Variants in HTR2B observed in about 807,000 individuals in gnomAD.
HTR2B encodes the protein 5-HT 2B receptor.
HTR2B carries 31 observed loss-of-function variants against 39.8 expected under a neutral mutation model. That is an observed-to-expected ratio of 0.78 (90% CI 0.58 to 1.05). HTR2B has a LOEUF of 1.05. HTR2B is among the 50% of genes least tolerant of loss of function. The pLI is 0.00. For synonymous variants in HTR2B, 210 were observed against 207.1 expected (o/e 1.01, Z -0.12); for missense variants, 562 against 578.0 (o/e 0.97, Z 0.28).
chr2:231,121,582 A>AT (rs1290145018), intron 2 of HTR2B, among the ~76,000 whole-genome samples: 2 of 152,012 alleles, frequency 1.3e-5, no homozygotes, highest in African/African-American at 4.8e-5. Flanking sequence ...CTGGATACCT[A>AT]TTTTTCTATA....
chr2:231,122,315 C>G (rs1198964382), intron 2 of HTR2B, among the ~76,000 whole-genome samples: 1 of 152,034 alleles, frequency 6.6e-6, no homozygotes, highest in Non-Finnish European at 1.5e-5. Context: ...TCTGTTATTA[C>G]TTATAAAATT....
In HTR2B at chr2:231,123,474, C is replaced by G. The variant is rs750428024; in HGVS notation, c.291G>C (p.Ala97=). 1 of 1,614,054 alleles carries G rather than the reference C, an allele frequency of 6.2e-7. No individual in the cohort carries two copies. ...YATNYFLMSL[A]VADLLVGLFV... ...ACAATCCAACCAGCAAATCAGCCAC[C>G]GCCAAGGACATTAGAAAGTAATTAG... is the stretch of plus-strand genomic sequence containing the variant. Residue 97 remains alanine (A), a synonymous_variant, in exon 2 of 4, where the codon GCG becomes GCC. Coordinates refer to ENST00000258400, the MANE Select transcript of HTR2B (RefSeq NM_000867.5).
In HTR2B at chr2:231,121,375, A is replaced by G. The variant is rs561496039; in HGVS notation, c.352+2038T>C. The stretch of plus-strand genomic sequence containing the variant: ...AGACTCCATCTCTATTAAAATAAAT[A>G]AATAAAAATAAATTTAAAGTTAATA... On this transcript the variant is annotated intron_variant, in intron 2 of 3. Transcript: ENST00000258400. 3.3e-5 allele frequency among the ~76,000 whole-genome samples: 5 copies of G among 152,310 alleles called. No homozygotes were observed. The South Asian group carries it at 1.0e-3, about 32-fold the overall frequency.
At chr2:231,119,911 C>A (rs1695476368) in intron 2 of HTR2B, among the ~76,000 whole-genome samples, 3 of 146,636 alleles carry the variant, frequency 2.0e-5, no homozygotes, top group Admixed American at 6.8e-5. Flanking sequence ...AAACCAATAA[C>A]ACCCAATGGA....
At chr2:231,114,435 T>G (rs1326683125) in intron 2 of HTR2B, among the ~76,000 whole-genome samples, 2 of 152,250 alleles carry the variant, frequency 1.3e-5, no homozygotes, top group East Asian at 3.8e-4. Flanking sequence ...GATCCTTGTT[T>G]ATAGCATACT....
In HTR2B at chr2:231,108,813, T is replaced by A. The variant is rs1695052188; in HGVS notation, c.1150A>T (p.Asn384Tyr). Reference protein sequence around the residue: ...GVNPLVYTLFNKTFRDAFGRY... With the variant: ...GVNPLVYTLFYKTFRDAFGRY... Reference sequence around the variant, plus strand: ...CCAAATGCATCCCGAAATGTCTTATTGAAGAGGGTGTAGACCAAAGGATTC... The same window carrying A: ...CCAAATGCATCCCGAAATGTCTTATAGAAGAGGGTGTAGACCAAAGGATTC... Residue 384 changes from asparagine to tyrosine, a missense_variant, in exon 4 of 4, where the codon AAT (asparagine) becomes TAT (tyrosine). Transcript: ENST00000258400. 2 of 1,614,044 alleles carry A rather than the reference T, an allele frequency of 1.2e-6. No homozygotes were observed. Among genetic ancestry groups the A allele is most frequent in the South Asian group, 2.2e-5 (2 of 91,082 alleles).
chr2:231,115,102 A>T (rs1354284071), intron 2 of HTR2B, among the ~76,000 whole-genome samples: 1 of 152,164 alleles, frequency 6.6e-6, no homozygotes, highest in Non-Finnish European at 1.5e-5. Flanking sequence ...TAATCATCTC[A>T]GGATTACAGA....
At chr2:231,113,991 G>C in intron 2 of HTR2B, 62 bp from the exon 3 acceptor site, 1 of 1,301,454 alleles carries the variant, frequency 7.7e-7, no homozygotes, top group Non-Finnish European at 1.1e-6. Context: ...TCAGTCTACA[G>C]TTTTTCAGGT....
At position 231,123,864 on chromosome 2, in the gene HTR2B, A is replaced by G. The variant is rs1362535736; in HGVS notation, c.-100T>C. On this transcript the variant is annotated 5_prime_UTR_variant, in exon 2 of 4. Transcript: ENST00000258400. Reference sequence around the variant, plus strand: ...TTTTTAAGGCATTGTAACCATGCCAAACACTCAAAAGCCAAAGTTGACACC... The same window carrying G: ...TTTTTAAGGCATTGTAACCATGCCAGACACTCAAAAGCCAAAGTTGACACC... 3 of 985,492 alleles carry G rather than the reference A, an allele frequency of 3.0e-6. No homozygotes were observed. The highest frequency in any genetic ancestry group is 1.6e-5 in the African/African-American group (1 of 62,484). 61.0% of individuals were successfully genotyped at this position (985,492 alleles called of 1,614,324 possible). A position where few individuals can be genotyped will look rare whatever the true frequency, so the allele number is the denominator to read the frequency against.
In HTR2B at chr2:231,123,935, A is replaced by T. The variant is rs577406334; in HGVS notation, c.-171T>A. The T allele has an allele frequency of 3.0e-6, 2 of 659,732 alleles. No individual in the cohort carries two copies. Among genetic ancestry groups the T allele is most frequent in the East Asian group, 5.5e-5 (2 of 36,416 alleles). 40.9% of individuals were successfully genotyped at this position (659,732 alleles called of 1,614,324 possible). On this transcript the variant is annotated 5_prime_UTR_variant, in exon 2 of 4. It introduces an in-frame stop codon into an upstream open reading frame of the 5' UTR. Transcript: ENST00000258400. ...CAAGTTCTCTAAAATGAGCGCATAC[A>T]CACATCTGTCCATGTTTGTAGGTAA...
chr2:231,108,500 G>T lies in HTR2B; in HGVS notation c.*17C>A. On this transcript the variant is annotated 3_prime_UTR_variant, in exon 4 of 4. Transcript: ENST00000258400. ...CATCTTACTCATCATTATGTTTGAT[G>T]ACAACTGCCAGTTCTGCTATACATA... 1.9e-6 allele frequency: 3 copies of T among 1,597,722 alleles called. No individual in the cohort carries two copies. The highest frequency in any genetic ancestry group is 1.1e-5 in the South Asian group (1 of 90,586).
intron 3 of HTR2B, among the ~76,000 whole-genome samples, chr2:231,112,851 T>C (rs1401887590): frequency 6.6e-6 from 1 of 152,168 alleles, no homozygotes; most frequent in Non-Finnish European, 1.5e-5. Context: ...TTTGCATCTC[T>C]CTTAAAACTT....
In HTR2B at chr2:231,108,784, T is replaced by C. The variant is rs550294433; in HGVS notation, c.1179A>G (p.Arg393=). 1 of 1,614,140 alleles carries C rather than the reference T, an allele frequency of 6.2e-7. No homozygotes were observed. The highest frequency in any genetic ancestry group is 8.5e-7 in the Non-Finnish European group (1 of 1,180,012). ...FNKTFRDAFG[R]YITCNYRATK... is the part of the protein sequence containing the mutation. ...TGGCCCGGTAATTGCAGGTGATATA[T>C]CGGCCAAATGCATCCCGAAATGTCT... The change falls in exon 4 of 4, where the codon CGA becomes CGG. Residue 393 remains arginine (R), a synonymous_variant. Transcript: ENST00000258400.
intron 2 of HTR2B, among the ~76,000 whole-genome samples, chr2:231,119,404 A>G (rs533543149): frequency 3.0e-4 from 45 of 152,306 alleles, no homozygotes; most frequent in Middle Eastern, 3.4e-3. Context: ...CTCTGAAATA[A>G]TAAGTGATTG....
At chr2:231,121,135 T>C (rs1340028211) in intron 2 of HTR2B, among the ~76,000 whole-genome samples, 1 of 152,222 alleles carries the variant, frequency 6.6e-6, no homozygotes, top group African/African-American at 2.4e-5. Context: ...AGTTCACAGA[T>C]TTGTTCATTT....
intron 3 of HTR2B, among the ~76,000 whole-genome samples, chr2:231,113,337 A>G (rs1695222271): frequency 6.6e-6 from 1 of 151,864 alleles, no homozygotes; most frequent in South Asian, 2.1e-4. Flanking sequence ...ATCTTTTAAA[A>G]TGTGATTTAA....
intron 2 of HTR2B, among the ~76,000 whole-genome samples, chr2:231,116,474 T>G (rs1237025179): frequency 6.6e-6 from 1 of 152,096 alleles, no homozygotes; most frequent in Admixed American, 6.6e-5. Context: ...ACCTGTCTAT[T>G]TAGCTATTCT....
chr2:231,108,789 C>A lies in HTR2B; in HGVS notation c.1174G>T (p.Gly392Cys). The A allele has an allele frequency of 6.2e-7, 1 of 1,614,028 alleles. No individual in the cohort carries two copies. Among genetic ancestry groups the A allele is most frequent in the South Asian group, 1.1e-5 (1 of 91,060 alleles). ...CGGTAATTGCAGGTGATATATCGGC[C>A]AAATGCATCCCGAAATGTCTTATTG... ...LFNKTFRDAF[G>C]RYITCNYRAT... is the part of the protein sequence containing the mutation. The change falls in exon 4 of 4, where the codon GGC (glycine) becomes TGC (cysteine). Residue 392 changes from glycine (G) to cysteine (C), a missense_variant. Physicochemically the swap from Gly to Cys is radical, Grantham distance 159. Transcript: ENST00000258400.
intron 2 of HTR2B, among the ~76,000 whole-genome samples, chr2:231,118,059 A>G (rs1695404029): frequency 6.6e-6 from 1 of 151,434 alleles, no homozygotes; most frequent in Non-Finnish European, 1.5e-5. Context: ...TGTCTCTGCC[A>G]CTTACTTTGT....
Sources: gnomAD v4.1 joint callset for allele counts (sites outside exome capture counted in the v4.1 genomes callset) on GRCh38, gnomAD v4.1.1 for gene constraint, MANE v1.5 for transcripts, NCBI Gene and HGNC (gene_info 2026-07-23, HGNC 2026-07-21) for gene names.